Variants in PPP5C observed in about 807,000 individuals in gnomAD.
The protein encoded by PPP5C is serine/threonine-protein phosphatase 5.
A neutral mutation model predicts 66.7 loss-of-function variants in PPP5C; 21 were observed. That is an observed-to-expected ratio of 0.31 (90% CI 0.22 to 0.45). The LOEUF (loss-of-function observed/expected upper bound fraction) is 0.45, where lower values mean the gene tolerates loss of function less well. PPP5C is among the 20% of genes least tolerant of loss of function. The pLI is 1.00. For synonymous variants in PPP5C, 246 were observed against 257.4 expected (o/e 0.96, Z 0.43); for missense variants, 464 against 675.9 (o/e 0.69, Z 3.48).
chr19:46,388,330 C>T lies in PPP5C; in HGVS notation c.1136-78C>T, dbSNP rs866128040. ...CTGGGCTGTGGGGTCAGCACCTGGCCGGGCCAGGAGGTGGCCTGTGAGTGA... is the reference window on the plus strand; with the variant it reads ...CTGGGCTGTGGGGTCAGCACCTGGCTGGGCCAGGAGGTGGCCTGTGAGTGA... On this transcript the variant is annotated intron_variant, in intron 9 of 12. Coordinates refer to ENST00000012443, the MANE Select transcript of PPP5C (RefSeq NM_006247.4). This position sits in a 1 kb window ranked among gnomAD's most constrained non-coding sequence, Gnocchi z 4.9. The T allele has an allele frequency of 1.9e-5, 28 of 1,473,552 alleles. No individual in the cohort carries two copies. Among genetic ancestry groups the T allele is most frequent in the East Asian group, 1.7e-4 (7 of 41,850 alleles). The allele number at this position is 1,473,552 out of a possible 1,614,324, so 91.3% of individuals were successfully genotyped here.
chr19:46,381,760 A>G (rs900829157), intron 4 of PPP5C: 36 of 152,088 alleles, frequency 2.4e-4, no homozygotes, highest in African/African-American at 8.2e-4. Context: ...AAACAAATAA[A>G]CAAATAAGAA....
chr19:46,359,038 C>T (rs1348411248), intron 2 of PPP5C, among the ~76,000 whole-genome samples: 1 of 152,086 alleles, frequency 6.6e-6, no homozygotes, highest in Non-Finnish European at 1.5e-5. Flanking sequence ...CTCATTTTTC[C>T]CTTTTGGTCA....
intron 2 of PPP5C, among the ~76,000 whole-genome samples, chr19:46,367,903 C>T (rs558477781): frequency 7.4e-4 from 113 of 152,286 alleles, no homozygotes; most frequent in Non-Finnish European, 1.3e-3. Flanking sequence ...AGGTCCGACT[C>T]TCAGTGGGTT....
rs1972642636 is a variant in PPP5C at position 46,373,901 on chromosome 19, C to T, written c.364-1703C>T. 2.6e-5 allele frequency among the ~76,000 whole-genome samples: 4 copies of T among 152,240 alleles called. No individual in the cohort carries two copies. The East Asian group carries it at 5.8e-4, about 22-fold the overall frequency. ...GAGCTGGAGGTGCAAATGAGGTGCT[C>T]TGGGCAGAGGCAGCCTGCATAAAGG... On this transcript the variant is annotated intron_variant, in intron 2 of 12. Transcript: ENST00000012443.
rs981349937 is a variant in PPP5C, at chr19:46,386,476, G to C, written c.905-617G>C. On this transcript the variant is annotated intron_variant, in intron 7 of 12. Coordinates refer to ENST00000012443, the MANE Select transcript of PPP5C (RefSeq NM_006247.4). ...CCGAGAAGTCAGACAAGCAGAGTCT[G>C]AGCAGATGCGAGACTGGGCAGCCTT... Among the ~76,000 whole-genome samples, 3 of 152,168 alleles carry C rather than the reference G, an allele frequency of 2.0e-5. No homozygotes were observed. The South Asian group carries it at 6.2e-4, about 32-fold the overall frequency.
At chr19:46,384,681 G>A (rs990859830) in intron 6 of PPP5C, 123 bp from the exon 7 acceptor site, 7 of 709,078 alleles carry the variant, frequency 9.9e-6, no homozygotes, top group African/African-American at 7.0e-5. Context: ...CCTGGGAGGT[G>A]CTGACAGGAG....
intron 1 of PPP5C, among the ~76,000 whole-genome samples, chr19:46,352,603 G>A (rs796431260): frequency 2.0e-5 from 3 of 152,126 alleles, no homozygotes; most frequent in South Asian, 4.1e-4. Context: ...GGAGGATCAC[G>A]AGGTCAGGAG....
At chr19:46,385,380 A>T (rs1972864646) in intron 7 of PPP5C, among the ~76,000 whole-genome samples, 1 of 152,170 alleles carries the variant, frequency 6.6e-6, no homozygotes, top group African/African-American at 2.4e-5. Flanking sequence ...GTGCTGGTTC[A>T]CACCTGTAAT....
rs1421749616 is a variant in PPP5C, at chr19:46,376,045, G to A, written c.511+294G>A. ...TGTCTGATTCACCTCTAGGTGCTGA[G>A]AAGATCCAAGGGATTGTTGTGGATC... On this transcript the variant is annotated intron_variant, in intron 3 of 12. Coordinates refer to ENST00000012443, the MANE Select transcript of PPP5C (RefSeq NM_006247.4). The surrounding 1 kb of genome is among the most constrained non-coding windows in gnomAD (Gnocchi z 5.1). 2.0e-5 allele frequency among the ~76,000 whole-genome samples: 3 copies of A among 152,184 alleles called. No individual in the cohort carries two copies. Among genetic ancestry groups the A allele is most frequent in the African/African-American group, 7.2e-5 (3 of 41,442 alleles).
chr19:46,375,630 G>A lies in PPP5C; in HGVS notation c.390G>A (p.Lys130=), dbSNP rs746643118. Residue 130 remains lysine, a synonymous_variant, in exon 3 of 13, where the codon AAG becomes AAA. Transcript: ENST00000012443. ...ETVVKVKPHD[K]DAKMKYQECN... ...TGGTCAAGGTGAAGCCCCATGACAA[G>A]GATGCCAAAATGAAATACCAGGAGT... The A allele has an allele frequency of 6.8e-6, 11 of 1,613,974 alleles. No individual in the cohort carries two copies. Among genetic ancestry groups the A allele is most frequent in the African/African-American group, 1.3e-5 (1 of 74,938 alleles).
At chr19:46,365,569 G>A (rs183741385) in intron 2 of PPP5C, among the ~76,000 whole-genome samples, 197 of 152,310 alleles carry the variant, frequency 1.3e-3, no homozygotes, top group African/African-American at 4.7e-3. Context: ...TTATCACCTT[G>A]TGGCAGCAGA....
At position 46,376,631 on chromosome 19, in the gene PPP5C, TGC is replaced by T. The variant is rs927384258; in HGVS notation, c.633+58_633+59del. On this transcript the variant is annotated intron_variant, in intron 4 of 12. Transcript: ENST00000012443. The surrounding 1 kb of genome is among the most constrained non-coding windows in gnomAD (Gnocchi z 5.1). ...GAACCCTGGGATGGCATCACAGCAC[TGC>T]CAGCCGCGGGCACTGAGCAAAACGA... 5 of 1,592,408 alleles carry T rather than the reference TGC, an allele frequency of 3.1e-6. No homozygotes were observed. The African/African-American group carries it at 4.0e-5, about 13-fold the overall frequency.
chr19:46,388,331 G>T lies in PPP5C; in HGVS notation c.1136-77G>T. The T allele has an allele frequency of 6.8e-7, 1 of 1,471,196 alleles. No homozygotes were observed. The highest frequency in any genetic ancestry group is 9.2e-7 in the Non-Finnish European group (1 of 1,086,382). 91.1% of individuals were successfully genotyped at this position (1,471,196 alleles called of 1,614,324 possible). A position where few individuals can be genotyped will look rare whatever the true frequency, so the allele number is the denominator to read the frequency against. The stretch of plus-strand genomic sequence containing the variant: ...TGGGCTGTGGGGTCAGCACCTGGCC[G>T]GGCCAGGAGGTGGCCTGTGAGTGAC... On this transcript the variant is annotated intron_variant, in intron 9 of 12. Transcript: ENST00000012443. This position sits in a 1 kb window ranked among gnomAD's most constrained non-coding sequence, Gnocchi z 4.9.
chr19:46,386,861 G>T, intron 7 of PPP5C: 1 of 603,756 alleles, frequency 1.7e-6, no homozygotes, highest in South Asian at 2.0e-5. Context: ...GTTCTGCCTT[G>T]GCTTCCCAAA....
chr19:46,376,747 T>A lies in PPP5C; in HGVS notation c.633+173T>A. Reference sequence around the variant, plus strand: ...GGGCTTACCACATGATCTCATCTCGTCCCACAGCAGTTTGGGGAGGTGGCA... The same window carrying A: ...GGGCTTACCACATGATCTCATCTCGACCCACAGCAGTTTGGGGAGGTGGCA... On this transcript the variant is annotated intron_variant, in intron 4 of 12. Coordinates refer to ENST00000012443, the MANE Select transcript of PPP5C (RefSeq NM_006247.4). This position sits in a 1 kb window ranked among gnomAD's most constrained non-coding sequence, Gnocchi z 5.1. 1.1e-6 allele frequency: 1 copy of A among 906,676 alleles called. No homozygotes were observed. The highest frequency in any genetic ancestry group is 1.6e-6 in the Non-Finnish European group (1 of 624,424). The allele number at this position is 906,676 out of a possible 1,614,324, so 56.2% of individuals were successfully genotyped here.
chr19:46,374,816 A>G (rs566966869), intron 2 of PPP5C, among the ~76,000 whole-genome samples: 1 of 152,164 alleles, frequency 6.6e-6, no homozygotes, highest in South Asian at 2.1e-4. Flanking sequence ...GGAGATATAT[A>G]TGGTTCTCAG....
rs1190507389 is a variant in PPP5C, at chr19:46,359,688, A to G, written c.363+5699A>G. ...AAAATAAGTTTTAGTGTTATACTTT[A>G]TTTGCATAAAGTACAGCAAGATTAG... On this transcript the variant is annotated intron_variant, in intron 2 of 12. Transcript: ENST00000012443. Among the ~76,000 whole-genome samples the G allele has an allele frequency of 2.0e-5, 3 of 151,472 alleles. No homozygotes were observed. The East Asian group carries it at 5.8e-4, about 29-fold the overall frequency.
chr19:46,387,788 C>A, intron 9 of PPP5C: 1 of 1,202,552 alleles, frequency 8.3e-7, no homozygotes, highest in Non-Finnish European at 1.1e-6. Flanking sequence ...AGAGAGTTCA[C>A]CCACAGGTGC....
intron 2 of PPP5C, among the ~76,000 whole-genome samples, chr19:46,361,677 ATCAC>A (rs2147371566): frequency 6.6e-6 from 1 of 151,324 alleles, no homozygotes; most frequent in Admixed American, 6.6e-5. Flanking sequence ...AGACAGGAAA[ATCAC>A]TTGAATCCGG....
Sources: allele counts gnomAD v4.1 joint callset (sites outside exome capture counted in the v4.1 genomes callset), GRCh38; gene constraint gnomAD v4.1.1; non-coding constraint Gnocchi (gnomAD v3.1); transcripts MANE v1.5; gene names NCBI Gene and HGNC (gene_info 2026-07-23, HGNC 2026-07-21).